WDR17: variants seen among roughly 807,000 people sequenced by gnomAD.
WDR17 encodes WD repeat domain 17, also known as WD repeat-containing protein 17.
WDR17 carries 143 observed loss-of-function variants against 161.7 expected under a neutral mutation model. The observed-to-expected ratio is 0.88, with a 90% CI of 0.77 to 1.02. WDR17 has a LOEUF of 1.02. WDR17 is among the 50% of genes least tolerant of loss of function. The pLI, the probability that WDR17 is intolerant of heterozygous loss-of-function variation, is 0.00. For missense variants in WDR17, 1,469 were observed against 1,520.9 expected, an observed-to-expected ratio of 0.97 and a Z score of 0.57; for synonymous variants, 517 against 515.6, an observed-to-expected ratio of 1.00 and a Z score of -0.04.
intron 1 of WDR17, 39 bp downstream of exon 1, chr4:176,066,118 C>G (rs1326312087): frequency 6.6e-6 from 1 of 152,470 alleles, no homozygotes; most frequent in African/African-American, 2.4e-5. Flanking sequence ...CCAAGGCAAG[C>G]TCAGGATTGA....
At chr4:176,076,244 TATATATATATAC>T (rs1275983240) in intron 1 of WDR17, among the ~76,000 whole-genome samples, 62 of 61,840 alleles carry the variant, frequency 1.0e-3, no homozygotes, top group African/African-American at 2.0e-3. Flanking sequence ...TATATATATA[TATATATATATAC>T]ACACACACAC....
At chr4:176,091,754 G>A (rs557796320) in intron 1 of WDR17, among the ~76,000 whole-genome samples, 1 of 151,934 alleles carries the variant, frequency 6.6e-6, no homozygotes, top group African/African-American at 2.4e-5. Flanking sequence ...TAATAAAAAA[G>A]ACCTAAATAA....
chr4:176,119,996 A>G lies in WDR17; in HGVS notation c.437A>G (p.His146Arg). 2 of 1,614,018 alleles carry G rather than the reference A, an allele frequency of 1.2e-6. No individual in the cohort carries two copies. The highest frequency in any genetic ancestry group is 1.7e-4 in the Middle Eastern group (1 of 6,060). Residue 146 changes from histidine (H) to arginine (R), a missense_variant, in exon 4 of 29, where the codon CAT becomes CGT. Coordinates refer to ENST00000508596, the MANE Select transcript of WDR17 (RefSeq NM_181265.4). ...GGAGTGATTGTACACAAAGATGCTCATAGCTTCTTGTCTGATATCTGTATG... is the reference window on the plus strand; with the variant it reads ...GGAGTGATTGTACACAAAGATGCTCGTAGCTTCTTGTCTGATATCTGTATG... ...DSGVIVHKDAHSFLSDICMFR... is the reference protein window; with the variant it reads ...DSGVIVHKDARSFLSDICMFR...
intron 18 of WDR17, among the ~76,000 whole-genome samples, chr4:176,156,412 T>G (rs1455523963): frequency 6.6e-6 from 1 of 152,172 alleles, no homozygotes; most frequent in African/African-American, 2.4e-5. Flanking sequence ...GCAAACATAC[T>G]CACTGATTAA....
chr4:176,101,571 G>T (rs934328502), intron 1 of WDR17, among the ~76,000 whole-genome samples: 12 of 152,058 alleles, frequency 7.9e-5, no homozygotes, highest in Non-Finnish European at 1.2e-4. Context: ...CAACATGCAG[G>T]AATGGATTGA....
At chr4:176,161,981 T>C (rs1237363097) in intron 20 of WDR17, 94 bp from the exon 21 acceptor site, 1 of 1,038,388 alleles carries the variant, frequency 9.6e-7, no homozygotes, top group East Asian at 2.8e-5. Context: ...TTAAATTTTA[T>C]TTGGTCTTTT....
In WDR17 at chr4:176,163,289, G is replaced by A. The variant is rs574953238; in HGVS notation, c.2986G>A (p.Val996Ile). 1 of 1,598,546 alleles carries A rather than the reference G, an allele frequency of 6.3e-7. No homozygotes were observed. The highest frequency in any genetic ancestry group is 1.3e-5 in the African/African-American group (1 of 74,246). ...LLARKCMMIS[V>I]WNLAADLLLM... ...GGCGAGAAAGTGCATGATGATTTCA[G>A]TATGGTAAGAATTTTGAAATTCAAA... is the stretch of plus-strand genomic sequence containing the variant. Residue 996 changes from valine to isoleucine, a missense_variant, in exon 22 of 29, where the codon GTA becomes ATA. By Grantham distance (29) the Val-to-Ile change is conservative. Transcript: ENST00000508596.
At chr4:176,170,553 GATCCACCCGCCTCAGCCTCCCAA>G (rs1750575686) in intron 23 of WDR17, among the ~76,000 whole-genome samples, 1 of 152,038 alleles carries the variant, frequency 6.6e-6, no homozygotes, top group African/African-American at 2.4e-5. Flanking sequence ...GACCTCAGGT[GATCCACCCGCCTCAGCCTCCCAA>G]AGTGTTGGCA....
intron 21 of WDR17, 105 bp from the exon 22 acceptor site, chr4:176,163,049 G>T (rs1579234889): frequency 6.6e-6 from 9 of 1,361,994 alleles, no homozygotes; most frequent in African/African-American, 2.9e-5. Flanking sequence ...AAGAATAATT[G>T]ATTTATAGGT....
At chr4:176,108,722 G>A (rs191784675) in intron 1 of WDR17, among the ~76,000 whole-genome samples, 5 of 152,154 alleles carry the variant, frequency 3.3e-5, no homozygotes, top group Non-Finnish European at 5.9e-5. Flanking sequence ...CAATTTTGCT[G>A]TTTTTCTAGG....
chr4:176,142,816 T>G (rs1386333899), intron 11 of WDR17, among the ~76,000 whole-genome samples: 1 of 152,224 alleles, frequency 6.6e-6, no homozygotes, highest in Non-Finnish European at 1.5e-5. Flanking sequence ...ATCACACGTT[T>G]TACAAAATGA....
At chr4:176,136,628 G>C (rs1034555779) in intron 8 of WDR17, among the ~76,000 whole-genome samples, 1 of 151,424 alleles carries the variant, frequency 6.6e-6, no homozygotes, top group Non-Finnish European at 1.5e-5. Flanking sequence ...ATATTTAAAA[G>C]ATAAATGAGG....
chr4:176,115,515 G>A (rs1740471514), intron 2 of WDR17, among the ~76,000 whole-genome samples: 1 of 151,536 alleles, frequency 6.6e-6, no homozygotes, highest in South Asian at 2.1e-4. Flanking sequence ...ATATAATAAA[G>A]CTCTAAATTA....
At chr4:176,169,146 C>T (rs1189033713) in intron 23 of WDR17, among the ~76,000 whole-genome samples, 1 of 152,154 alleles carries the variant, frequency 6.6e-6, no homozygotes, top group African/African-American at 2.4e-5. Context: ...TTCCACTGTA[C>T]ACTTTGCATA....
intron 1 of WDR17, among the ~76,000 whole-genome samples, chr4:176,103,317 T>A (rs577282941): frequency 6.6e-6 from 1 of 151,552 alleles, no homozygotes; most frequent in Admixed American, 6.6e-5. Context: ...AAACAATAAA[T>A]AAAAACAAAA....
chr4:176,135,353 T>C (rs1455247198), intron 8 of WDR17, 77 bp downstream of exon 8: 10 of 1,470,126 alleles, frequency 6.8e-6, no homozygotes, highest in Non-Finnish European at 9.5e-6. Flanking sequence ...AGTTACTTTC[T>C]TCCTCTTGAT....
At chr4:176,128,059 TAGAC>T (rs1195769911) in intron 5 of WDR17, among the ~76,000 whole-genome samples, 7 of 152,246 alleles carry the variant, frequency 4.6e-5, no homozygotes, top group African/African-American at 7.2e-5. Context: ...CCTCTGTTGA[TAGAC>T]AGACGCATTG....
intron 1 of WDR17, among the ~76,000 whole-genome samples, chr4:176,109,770 G>A (rs1326247134): frequency 1.3e-5 from 2 of 152,172 alleles, no homozygotes; most frequent in African/African-American, 4.8e-5. Context: ...CACTGAACAA[G>A]CTTCTATAAG....
chr4:176,131,453 G>T, intron 6 of WDR17, 101 bp from the exon 7 acceptor site: 1 of 1,191,640 alleles, frequency 8.4e-7, no homozygotes, highest in Non-Finnish European at 1.1e-6. Flanking sequence ...TGCCTAAATG[G>T]TTTACTGGTA....
Sources: gnomAD v4.1 joint callset for allele counts (sites outside exome capture counted in the v4.1 genomes callset) on GRCh38, gnomAD v4.1.1 for gene constraint, MANE v1.5 for transcripts, NCBI Gene and HGNC (gene_info 2026-07-23, HGNC 2026-07-21) for gene names.